MDN1: variants seen among roughly 807,000 people sequenced by gnomAD.
MDN1 encodes midasin AAA ATPase 1.
In MDN1, 266 loss-of-function variants were observed where a neutral mutation model predicts 669.2. That is an observed-to-expected ratio of 0.40 (90% confidence interval 0.36 to 0.44). The LOEUF (loss-of-function observed/expected upper bound fraction) is 0.44, where lower values mean the gene tolerates loss of function less well. Ranked by LOEUF, MDN1 falls within the 20% of genes least tolerant of loss-of-function variation. MDN1 has a pLI of 1.00. For synonymous variants in MDN1, 2,385 were observed against 2,457.1 expected (o/e 0.97, Z 0.87); for missense variants, 5,940 against 6,754.0 (o/e 0.88, Z 4.22).
chr6:89,738,131 T>C (rs1816095769), intron 33 of MDN1, among the ~76,000 whole-genome samples, 195 bp downstream of exon 33: 1 of 152,218 alleles, frequency 6.6e-6, no homozygotes, highest in South Asian at 2.1e-4. Flanking sequence ...GATGAAAATA[T>C]GAAGATGGGA....
At chr6:89,712,472 T>C (rs1814009154) in intron 48 of MDN1, 103 bp downstream of exon 48, 3 of 1,183,866 alleles carry the variant, frequency 2.5e-6, no homozygotes, top group East Asian at 4.7e-5. Flanking sequence ...ACACAATAAA[T>C]GGCCACAGAA....
chr6:89,695,233 AAAAC>A lies in MDN1; in HGVS notation c.9771+368_9771+371del, dbSNP rs563623366. Among the ~76,000 whole-genome samples, 63 of 152,304 alleles carry A rather than the reference AAAAC, an allele frequency of 4.1e-4. No homozygotes were observed. Among genetic ancestry groups the A allele is most frequent in the Admixed American group, 3.9e-4 (6 of 15,302 alleles). On this transcript the variant is annotated intron_variant, in intron 61 of 101. Transcript: ENST00000369393. This position sits in a 1 kb window ranked among gnomAD's most constrained non-coding sequence, Gnocchi z 4.1. The stretch of plus-strand genomic sequence containing the variant: ...GACGAGAAAGCAAGGCTCCATCTCA[AAAAC>A]AAACAAACAAACAAAAACCCAAATA...
In MDN1 at chr6:89,758,674, T is replaced by G. The variant is rs542814598; in HGVS notation, c.2605+142A>C. ...TACCACCCAACACTTTAATGCACTT[T>G]GCAGAAAATTAATATCTAAAGAATG... On this transcript the variant is annotated intron_variant, in intron 18 of 101. Coordinates refer to ENST00000369393, the MANE Select transcript of MDN1 (RefSeq NM_014611.3). 5 of 882,986 alleles carry G rather than the reference T, an allele frequency of 5.7e-6. No individual in the cohort carries two copies. The South Asian group carries it at 9.0e-5, about 16-fold the overall frequency. The allele number at this position is 882,986 out of a possible 1,614,324, so 54.7% of individuals were successfully genotyped here.
chr6:89,670,678 G>A (rs1810688614), intron 83 of MDN1, among the ~76,000 whole-genome samples: 2 of 152,156 alleles, frequency 1.3e-5, no homozygotes, highest in South Asian at 2.1e-4. Flanking sequence ...TAGGGAACTC[G>A]TCAGTTTGGG....
At chr6:89,704,135 T>G (rs1172091728) in intron 53 of MDN1, among the ~76,000 whole-genome samples, 2 of 151,988 alleles carry the variant, frequency 1.3e-5, no homozygotes, top group Non-Finnish European at 2.9e-5. Context: ...AATCCCAGCA[T>G]TTACGGAGGT....
rs1296117615 is a variant in MDN1 at position 89,761,637 on chromosome 6, A to AG, written c.2460+7dup. ...TTCCCATAAGCTAAATAACAAAAACAGAAATACCTCTACAAATGCGAACAA... is the reference window on the plus strand; with the variant it reads ...TTCCCATAAGCTAAATAACAAAAACAGGAAATACCTCTACAAATGCGAACAA... On this transcript the variant is annotated splice_region_variant and intron_variant, in intron 17 of 101. Transcript: ENST00000369393. 6.3e-7 allele frequency: 1 copy of AG among 1,582,926 alleles called. No homozygotes were observed. The highest frequency in any genetic ancestry group is 1.4e-5 in the African/African-American group (1 of 73,810).
chr6:89,748,896 CA>C (rs5878109), intron 26 of MDN1, among the ~76,000 whole-genome samples: 3 of 147,496 alleles, frequency 2.0e-5, no homozygotes, highest in Non-Finnish European at 4.5e-5. Flanking sequence ...CTTGTCTCTA[CA>C]AAAAAAAAAT....
chr6:89,776,193 G>A (rs761059754), intron 12 of MDN1, among the ~76,000 whole-genome samples: 99 of 152,158 alleles, frequency 6.5e-4, no homozygotes, highest in Non-Finnish European at 1.3e-3. Context: ...TGTGCACAGT[G>A]GCTCATGCTT....
At position 89,696,454 on chromosome 6, in the gene MDN1, T is replaced by C; in HGVS notation, c.9289A>G (p.Thr3097Ala). 5 of 1,613,942 alleles carry C rather than the reference T, an allele frequency of 3.1e-6. No individual in the cohort carries two copies. In the South Asian group the frequency reaches 5.5e-5, roughly 18 times the overall value. The change falls in exon 60 of 102, where the codon ACC becomes GCC. Residue 3097 changes from threonine (T) to alanine (A), a missense_variant. Thr to Ala is a moderately conservative substitution (Grantham distance 58). Coordinates refer to ENST00000369393, the MANE Select transcript of MDN1 (RefSeq NM_014611.3). ...GTTCTCTCAACCCACTCTCCTAGGG[T>C]CACGTGAGAGGAGGAAAGAATGGGG... Reference protein sequence around the residue: ...GLPILSSSHVTLGEWVERTQQ... With the variant: ...GLPILSSSHVALGEWVERTQQ...
rs1817606042 is a variant in MDN1 at position 89,762,520 on chromosome 6, C to G, written c.2155G>C (p.Val719Leu). The G allele has an allele frequency of 6.2e-7, 1 of 1,611,494 alleles. No individual in the cohort carries two copies. The highest frequency in any genetic ancestry group is 1.3e-5 in the African/African-American group (1 of 74,828). The change falls in exon 16 of 102, where the codon GTG becomes CTG. Residue 719 changes from valine (V) to leucine (L), a missense_variant. Val to Leu is a conservative substitution (Grantham distance 32, BLOSUM62 1). Around this residue, in one of 5 missense-constraint regions of MDN1, gnomAD observed 1,203 missense variants for 1,268.9 expected, o/e 0.95. Coordinates refer to ENST00000369393, the MANE Select transcript of MDN1 (RefSeq NM_014611.3). ...GGTAGCCAAATAAGCTTATGGTCCA[C>G]CGGTTTATAACTGAAACAGACACAG... ...TADLLGGYKP[V>L]DHKLIWLPLR...
In MDN1 at chr6:89,692,698, C is replaced by T. The variant is rs377046259; in HGVS notation, c.10332G>A (p.Ser3444=). ...TLATALLAFP[S]VGPTFPTYYA... is the part of the protein sequence containing the mutation. ...AGTAAGTCGGGAAGGTGGGGCCCAC[C>T]GATGGGAAAGCCAGCAAGGCTGTGG... Residue 3444 remains serine, a synonymous_variant, in exon 63 of 102, where the codon TCG becomes TCA. Transcript: ENST00000369393. 1.7e-5 allele frequency: 27 copies of T among 1,614,056 alleles called. 1 individual carries two copies. Among genetic ancestry groups the T allele is most frequent in the Middle Eastern group, 3.3e-4 (2 of 6,084 alleles).
At position 89,662,778 on chromosome 6, in the gene MDN1, A is replaced by G; in HGVS notation, c.14412+14T>C. 2 of 1,613,544 alleles carry G rather than the reference A, an allele frequency of 1.2e-6. No individual in the cohort carries two copies. The highest frequency in any genetic ancestry group is 1.7e-6 in the Non-Finnish European group (2 of 1,179,672). On this transcript the variant is annotated intron_variant, in intron 86 of 101. Transcript: ENST00000369393. ...CTCTCAGCTTGTTTGGGAGGGGAGA[A>G]ATCTTTGAATTACCTCATCCATTCC... is the stretch of plus-strand genomic sequence containing the variant.
At chr6:89,735,182 C>T (rs1251203172) in intron 33 of MDN1, among the ~76,000 whole-genome samples, 3 of 151,898 alleles carry the variant, frequency 2.0e-5, no homozygotes, top group African/African-American at 7.3e-5. Flanking sequence ...AAGAAAGCAC[C>T]CGGCCAATAG....
In MDN1 at chr6:89,797,840, A is replaced by G. The variant is rs550868268; in HGVS notation, c.330-3039T>C. 8.1e-5 allele frequency: 17 copies of G among 209,426 alleles called. No individual in the cohort carries two copies. The South Asian group carries it at 1.1e-3, about 14-fold the overall frequency. The allele number at this position is 209,426 out of a possible 1,614,324, so 13.0% of individuals were successfully genotyped here. ...TGATGCTCTTAAACAATCCAAGTGA[A>G]AGAGGATCTCCTTACACAGCAGCCA... On this transcript the variant is annotated intron_variant, in intron 2 of 101. Transcript: ENST00000369393.
chr6:89,754,334 T>A, intron 20 of MDN1, 104 bp from the exon 21 acceptor site: 1 of 1,203,358 alleles, frequency 8.3e-7, no homozygotes, highest in Middle Eastern at 2.5e-4. Context: ...TCAGAAATGA[T>A]CATGCACACA....
intron 59 of MDN1, among the ~76,000 whole-genome samples, chr6:89,697,356 CGAA>C (rs1812834522): frequency 6.6e-6 from 1 of 151,824 alleles, no homozygotes; most frequent in Non-Finnish European, 1.5e-5. Flanking sequence ...GTTTTGAACT[CGAA>C]GTGATGGAGG....
chr6:89,672,299 A>G lies in MDN1; in HGVS notation c.13695T>C (p.Asp4565=), dbSNP rs558932563. 8.5e-5 allele frequency: 137 copies of G among 1,613,402 alleles called. No individual in the cohort carries two copies. In the South Asian group the frequency reaches 1.4e-3, roughly 16 times the overall value. The change falls in exon 82 of 102, where the codon GAT becomes GAC. Residue 4565 remains aspartate (D), a synonymous_variant. Coordinates refer to ENST00000369393, the MANE Select transcript of MDN1 (RefSeq NM_014611.3). ...TKLLEDDFWA[D]VSTLHVQKII... ...TTTTCTGCACGTGCAAAGTGCTCAC[A>G]TCGGCCCAGAAGTCATCCTCTAAGA... is the stretch of plus-strand genomic sequence containing the variant.
At chr6:89,812,417 C>G (rs1386954585) in intron 1 of MDN1, among the ~76,000 whole-genome samples, 1 of 152,076 alleles carries the variant, frequency 6.6e-6, no homozygotes. Flanking sequence ...TAAGGTGGCT[C>G]AGCTCTTCTC....
At position 89,713,586 on chromosome 6, in the gene MDN1, C is replaced by A. The variant is rs184632776; in HGVS notation, c.7070-290G>T. Among the ~76,000 whole-genome samples the A allele has an allele frequency of 2.0e-5, 3 of 152,262 alleles. No individual in the cohort carries two copies. In the East Asian group the frequency reaches 5.8e-4, roughly 29 times the overall value. On this transcript the variant is annotated intron_variant, in intron 46 of 101. Coordinates refer to ENST00000369393, the MANE Select transcript of MDN1 (RefSeq NM_014611.3). ...ACATATATCCTTAATCTAATGCTGA[C>A]ACACACTGAAGGTGGCAAGTTGAGT...
Sources: allele counts gnomAD v4.1 joint callset (sites outside exome capture counted in the v4.1 genomes callset), GRCh38; gene constraint gnomAD v4.1.1; regional missense constraint gnomAD v4.1.1; non-coding constraint Gnocchi (gnomAD v3.1); transcripts MANE v1.5; gene names NCBI Gene and HGNC (gene_info 2026-07-23, HGNC 2026-07-21).